The following POLR1A variants were observed in gnomAD, a reference collection of about 807,000 sequenced individuals.
POLR1A encodes RNA polymerase I subunit A.
POLR1A carries 84 observed loss-of-function variants against 205.3 expected under a neutral mutation model. The observed-to-expected ratio is 0.41, with a 90% CI of 0.34 to 0.49. The LOEUF (loss-of-function observed/expected upper bound fraction) is 0.49. Ranked by LOEUF, POLR1A falls within the 20% of genes least tolerant of loss-of-function variation. The pLI is 0.22. For missense variants in POLR1A, 1,645 were observed against 2,204.5 expected, an observed-to-expected ratio of 0.75 and a Z score of 5.08; for synonymous variants, 799 against 863.7, an observed-to-expected ratio of 0.93 and a Z score of 1.31.
intron 9 of POLR1A, among the ~76,000 whole-genome samples, chr2:86,079,030 G>A (rs966335764): frequency 6.6e-6 from 1 of 152,148 alleles, no homozygotes; most frequent in African/African-American, 2.4e-5. Context: ...GGAGACAGAT[G>A]GTCCCACGTC....
chr2:86,041,969 T>C lies in POLR1A; in HGVS notation c.3492A>G (p.Glu1164=). 7 of 1,614,150 alleles carry C rather than the reference T, an allele frequency of 4.3e-6. No homozygotes were observed. Among genetic ancestry groups the C allele is most frequent in the Non-Finnish European group, 5.1e-6 (6 of 1,180,006 alleles). Residue 1164 remains glutamate (E), a synonymous_variant, in exon 24 of 34, where the codon GAA becomes GAG. Transcript: ENST00000263857. ...CTTGACTGTAGTCATCAACCTTTGT[T>C]TCAAATGTTTCTGACACTGATGCAA... ...IYFASVSETF[E]TKVDDYSQEW...
intron 14 of POLR1A, among the ~76,000 whole-genome samples, 166 bp from the exon 15 acceptor site, chr2:86,054,455 A>G (rs1050092298): frequency 1.3e-5 from 2 of 152,194 alleles, no homozygotes; most frequent in Admixed American, 6.5e-5. Flanking sequence ...AGACAGGTCC[A>G]CCTCCATAGG....
chr2:86,053,297 T>G (rs1672839409), intron 15 of POLR1A, among the ~76,000 whole-genome samples: 1 of 151,728 alleles, frequency 6.6e-6, no homozygotes, highest in African/African-American at 2.4e-5. Flanking sequence ...TCCATGTGTT[T>G]TATATCCCCT....
At position 86,100,061 on chromosome 2, in the gene POLR1A, C is replaced by A; in HGVS notation, c.189G>T (p.Val63=). Residue 63 remains valine, a synonymous_variant, in exon 2 of 34, where the codon GTG becomes GTT. Transcript: ENST00000263857. The part of the protein sequence containing the change: ...LALGPADSKE[V]CSTCVQDFSN... ...TGAAGTCCTGCACGCAGGTGGAGCACACCTCTTTGGAATCTGCAGGGCCCA... is the reference window on the plus strand; with the variant it reads ...TGAAGTCCTGCACGCAGGTGGAGCAAACCTCTTTGGAATCTGCAGGGCCCA... 1 of 1,614,194 alleles carries A rather than the reference C, an allele frequency of 6.2e-7. No homozygotes were observed.
In POLR1A at chr2:86,038,721, A is replaced by T. The variant is rs376121525; in HGVS notation, c.4013T>A (p.Ile1338Asn). ...TGACCTTGTTTCCATGAAGCGCAGG[A>T]TGTCCTCGGGTCTCAGGCACTTCTC... is the stretch of plus-strand genomic sequence containing the variant. ...QQEKCLRPED[I>N]LRFMETRFFK... The change falls in exon 27 of 34, where the codon ATC (isoleucine) becomes AAC (asparagine). Residue 1338 changes from isoleucine to asparagine, a missense_variant. Around this residue, in one of 16 missense-constraint regions of POLR1A, gnomAD observed 394 missense variants for 468.5 expected, o/e 0.84. Coordinates refer to ENST00000263857, the MANE Select transcript of POLR1A (RefSeq NM_015425.6). 6 of 1,613,894 alleles carry T rather than the reference A, an allele frequency of 3.7e-6. No individual in the cohort carries two copies. Among genetic ancestry groups the T allele is most frequent in the Non-Finnish European group, 5.1e-6 (6 of 1,180,026 alleles).
Position 86,042,106 on chromosome 2 carries a change from G to C in POLR1A, c.3358-3C>G, listed in dbSNP as rs1224307328. ...AACTCATACCACATCCTCAGCATCT[G>C]AACAGAAGGATGGGTCTCAGCTATG... On this transcript the variant is annotated splice_region_variant and splice_polypyrimidine_tract_variant and intron_variant, in intron 23 of 33. Transcript: ENST00000263857. 6.2e-7 allele frequency: 1 copy of C among 1,607,374 alleles called. No homozygotes were observed. The highest frequency in any genetic ancestry group is 8.5e-7 in the Non-Finnish European group (1 of 1,175,574).
In POLR1A at chr2:86,098,652, C is replaced by A; in HGVS notation, c.391G>T (p.Ala131Ser). 2 of 1,613,712 alleles carry A rather than the reference C, an allele frequency of 1.2e-6. No homozygotes were observed. The highest frequency in any genetic ancestry group is 1.7e-6 in the Non-Finnish European group (2 of 1,179,894). The change falls in exon 3 of 34, where the codon GCC (alanine) becomes TCC (serine). Residue 131 changes from alanine to serine, a missense_variant. Transcript: ENST00000263857. Reference sequence around the variant, plus strand: ...TCAAGCTCGTAGACTGCTTGTAGGGCCCCGACTTCCAGAACCCTCAGCTGG... The same window carrying A: ...TCAAGCTCGTAGACTGCTTGTAGGGACCCGACTTCCAGAACCCTCAGCTGG... Reference protein sequence around the residue: ...LCQLRVLEVGALQAVYELERI... With the variant: ...LCQLRVLEVGSLQAVYELERI...
At chr2:86,091,257 T>A (rs1673601599) in intron 3 of POLR1A, among the ~76,000 whole-genome samples, 1 of 152,180 alleles carries the variant, frequency 6.6e-6, no homozygotes, top group South Asian at 2.1e-4. Flanking sequence ...ATTATTCCCA[T>A]AAATAATTTT....
At position 86,077,801 on chromosome 2, in the gene POLR1A, ACG is replaced by A. The variant is rs200731536; in HGVS notation, c.1380+56_1380+57del. 30,017 of 1,036,102 alleles carry A rather than the reference ACG, an allele frequency of 0.029. 3,375 individuals carry two copies. Among genetic ancestry groups the A allele is most frequent in the African/African-American group, 0.2 (7,495 of 36,748 alleles). 64.2% of individuals were successfully genotyped at this position (1,036,102 alleles called of 1,614,324 possible). On this transcript the variant is annotated intron_variant, in intron 11 of 33. Transcript: ENST00000263857. ...CCCACGGGGAGCAAATGAGCCCTGC[ACG>A]CGCGCGCGCACACACACACACACAC...
chr2:86,058,893 G>A (rs1672948208), intron 14 of POLR1A, among the ~76,000 whole-genome samples: 1 of 152,052 alleles, frequency 6.6e-6, no homozygotes, highest in Non-Finnish European at 1.5e-5. Flanking sequence ...GAAGCTGGAG[G>A]ATCACTTGAG....
In POLR1A at chr2:86,040,472, T is replaced by G. The variant is rs202126759; in HGVS notation, c.3660A>C (p.Gly1220=). Residue 1220 remains glycine, a synonymous_variant, in exon 25 of 34, where the codon GGA becomes GGC. Transcript: ENST00000263857. ...AVGLLAAQSI[G]EPSTQMTLNT... ...TGAGGGTCATCTGGGTGGAGGGCTC[T>G]CCGATGCTCTGGGCAGCCAGCAGGC... 11 of 1,613,524 alleles carry G rather than the reference T, an allele frequency of 6.8e-6. No individual in the cohort carries two copies. The highest frequency in any genetic ancestry group is 9.3e-6 in the Non-Finnish European group (11 of 1,179,800).
intron 7 of POLR1A, among the ~76,000 whole-genome samples, 200 bp downstream of exon 7, chr2:86,082,882 G>GT (rs1673431061): frequency 6.6e-6 from 1 of 152,294 alleles, no homozygotes; most frequent in African/African-American, 2.4e-5. Context: ...TAATTGTCAA[G>GT]TTTTTGGTGC....
chr2:86,075,251 T>C lies in POLR1A; in HGVS notation c.1390A>G (p.Thr464Ala), dbSNP rs2104417123. 1.2e-6 allele frequency: 2 copies of C among 1,603,890 alleles called. No homozygotes were observed. The highest frequency in any genetic ancestry group is 1.7e-6 in the Non-Finnish European group (2 of 1,173,766). The change falls in exon 12 of 34, where the codon ACA becomes GCA. Residue 464 changes from threonine (T) to alanine (A), a missense_variant. By Grantham distance (58) the Thr-to-Ala change is moderately conservative. Coordinates refer to ENST00000263857, the MANE Select transcript of POLR1A (RefSeq NM_015425.6). ...ACTGGCTGTGGGTAGGTCAGTTTTG[T>C]GGCAAACACCTGGAAATGAGGAATG... ...NEIGIPMVFA[T>A]KLTYPQPVTP...
chr2:86,097,514 G>A (rs775966220), intron 3 of POLR1A, among the ~76,000 whole-genome samples: 1 of 152,076 alleles, frequency 6.6e-6, no homozygotes, highest in Non-Finnish European at 1.5e-5. Flanking sequence ...ATAGATAAAG[G>A]GATAAAGCAA....
At chr2:86,032,161 T>C in intron 29 of POLR1A, 111 bp downstream of exon 29, 1 of 760,440 alleles carries the variant, frequency 1.3e-6, no homozygotes. Flanking sequence ...CAGGGTTCCT[T>C]GTGGGTTCAT....
intron 15 of POLR1A, among the ~76,000 whole-genome samples, chr2:86,053,225 G>GT (rs1266218866): frequency 2.0e-5 from 3 of 151,910 alleles, no homozygotes; most frequent in South Asian, 4.2e-4. Flanking sequence ...CAGACCAGCA[G>GT]TTTTTTTTCT....
In POLR1A at chr2:86,026,812, A is replaced by T. The variant is rs528089955; in HGVS notation, c.*611T>A. The T allele has an allele frequency of 6.5e-6, 1 of 154,984 alleles. No homozygotes were observed. The highest frequency in any genetic ancestry group is 1.9e-4 in the East Asian group (1 of 5,230). The allele number at this position is 154,984 out of a possible 1,614,324, so 9.6% of individuals were successfully genotyped here. A position where few individuals can be genotyped will look rare whatever the true frequency, so the allele number is the denominator to read the frequency against. Reference sequence around the variant, plus strand: ...GGGCCAGGACCCTGGCCAGGCAGAGAGGTTGGGTGGGTGGAGGACTATGCT... The same window carrying T: ...GGGCCAGGACCCTGGCCAGGCAGAGTGGTTGGGTGGGTGGAGGACTATGCT... On this transcript the variant is annotated 3_prime_UTR_variant, in exon 34 of 34. Transcript: ENST00000263857.
intron 16 of POLR1A, among the ~76,000 whole-genome samples, chr2:86,051,213 G>A (rs895286321): frequency 2.0e-5 from 3 of 151,986 alleles, no homozygotes; most frequent in African/African-American, 7.2e-5. Flanking sequence ...TGGTGGGTGG[G>A]TGGGTAAGGG....
chr2:86,039,211 T>G, intron 26 of POLR1A, 116 bp downstream of exon 26: 1 of 1,135,602 alleles, frequency 8.8e-7, no homozygotes, highest in Non-Finnish European at 1.3e-6. Flanking sequence ...TTATCTCTCA[T>G]TGGTGGGAAT....
Sources: allele counts gnomAD v4.1 joint callset (sites outside exome capture counted in the v4.1 genomes callset), GRCh38; gene constraint gnomAD v4.1.1; regional missense constraint gnomAD v4.1.1; transcripts MANE v1.5; gene names NCBI Gene and HGNC (gene_info 2026-07-23, HGNC 2026-07-21).